WDR81: variants seen among roughly 807,000 people sequenced by gnomAD.
WDR81 encodes the protein WD repeat domain 81, also known as WD repeat-containing protein 81.
WDR81 carries 92 observed loss-of-function variants against 140.8 expected under a neutral mutation model. That is an observed-to-expected ratio of 0.65 (90% CI 0.55 to 0.78). The LOEUF (loss-of-function observed/expected upper bound fraction) is 0.78, where lower values mean the gene tolerates loss of function less well. WDR81 is among the 30% of genes least tolerant of loss of function. The probability of loss-of-function intolerance (pLI) is 0.00; values close to 1 mark genes in which losing one functional copy is unlikely to be tolerated. For synonymous variants in WDR81, 1,183 were observed against 1,156.4 expected, an observed-to-expected ratio of 1.02 and a Z score of -0.47; for missense variants, 2,502 against 2,636.4, an observed-to-expected ratio of 0.95 and a Z score of 1.12.
In WDR81 at chr17:1,730,748, G is replaced by C; in HGVS notation, c.3776-7G>C. 1.2e-6 allele frequency: 2 copies of C among 1,603,318 alleles called. No individual in the cohort carries two copies. Among genetic ancestry groups the C allele is most frequent in the Non-Finnish European group, 1.7e-6 (2 of 1,174,370 alleles). ...GCGACTCAGGGCTGCTGGCCCTTCC[G>C]TGGCAGGACCCACTCGGCAGCAGTT... On this transcript the variant is annotated splice_polypyrimidine_tract_variant and splice_region_variant and intron_variant, in intron 2 of 9. Transcript: ENST00000409644.
rs777075079 is a variant in WDR81, at chr17:1,728,086, T to C, written c.3127T>C (p.Ser1043Pro). ...CGGGCTGCCCGGGGCCGGGCCTGGCTCCTGTGCTTTTGGGGAGGAGATTCC... is the reference window on the plus strand; with the variant it reads ...CGGGCTGCCCGGGGCCGGGCCTGGCCCCTGTGCTTTTGGGGAGGAGATTCC... ...ESGLPGAGPG[S>P]CAFGEEIPMD... Residue 1043 changes from serine to proline, a missense_variant, in exon 1 of 10, where the codon TCC (serine) becomes CCC (proline). Around this residue, in one of 3 missense-constraint regions of WDR81, gnomAD observed 1,737 missense variants for 1,843.0 expected, o/e 0.94. Transcript: ENST00000409644. 1 of 1,597,392 alleles carries C rather than the reference T, an allele frequency of 6.3e-7. No homozygotes were observed. The highest frequency in any genetic ancestry group is 1.3e-5 in the African/African-American group (1 of 74,638).
At chr17:1,729,486 G>GA (rs149195078) in intron 1 of WDR81, among the ~76,000 whole-genome samples, 4,881 of 147,330 alleles carry the variant, frequency 0.033, 247 homozygotes, top group African/African-American at 0.11. Flanking sequence ...TCTCAAAAAA[G>GA]AAAAAAAAAA....
rs577314126 is a variant in WDR81, at chr17:1,729,895, A to G, written c.3668-485A>G. 3.9e-5 allele frequency among the ~76,000 whole-genome samples: 6 copies of G among 152,046 alleles called. No homozygotes were observed. In the East Asian group the frequency reaches 7.8e-4, roughly 20 times the overall value. ...GAGAATCGCTTGAACCCGGAGGTTC[A>G]AGGAGGAGAGTCAGGGCGGTGGAAG... On this transcript the variant is annotated intron_variant, in intron 1 of 9. Transcript: ENST00000409644.
Position 1,738,027 on chromosome 17 carries a change from G to C in WDR81, c.*342G>C, listed in dbSNP as rs968816465. ...GGACAGGGAAGCTCGGGAAGGGGAA[G>C]GGAGACTGGCCCTGCCCAGCCGGTC... is the stretch of plus-strand genomic sequence containing the variant. On this transcript the variant is annotated 3_prime_UTR_variant, in exon 10 of 10. Coordinates refer to ENST00000409644, the MANE Select transcript of WDR81 (RefSeq NM_001163809.2). 17 of 387,534 alleles carry C rather than the reference G, an allele frequency of 4.4e-5. No individual in the cohort carries two copies. In the Admixed American group the frequency reaches 4.8e-4, roughly 11 times the overall value. 24.0% of individuals were successfully genotyped at this position (387,534 alleles called of 1,614,324 possible).
upstream of WDR81, among the ~76,000 whole-genome samples, chr17:1,719,765 G>C (rs1914768402): frequency 6.6e-6 from 1 of 152,006 alleles, no homozygotes; most frequent in South Asian, 2.1e-4. Flanking sequence ...CACTTTGGGA[G>C]GCTGAGGCAG....
Position 1,725,442 on chromosome 17 carries a change from G to A in WDR81, c.483G>A (p.Pro161=), listed in dbSNP as rs1478627160. 1.9e-6 allele frequency: 3 copies of A among 1,549,140 alleles called. No individual in the cohort carries two copies. The highest frequency in any genetic ancestry group is 2.4e-5 in the East Asian group (1 of 40,936). The part of the protein sequence containing the change: ...WRHAYHTYGQ[P]YSHSPAPSAV... ...ATGCATACCACACTTACGGCCAGCC[G>A]TACAGTCACAGCCCTGCCCCCTCAG... The change falls in exon 1 of 10, where the codon CCG becomes CCA. Residue 161 remains proline, a synonymous_variant. Transcript: ENST00000409644.
In WDR81 at chr17:1,724,714, T is replaced by C. The variant is rs1192638704; in HGVS notation, c.-246T>C. ...CACGTGACCCGCGTCAGCTGACCCG[T>C]CACGGTGGAGCCCGGTGCTCGCGCC... On this transcript the variant is annotated 5_prime_UTR_variant, in exon 1 of 10. Coordinates refer to ENST00000409644, the MANE Select transcript of WDR81 (RefSeq NM_001163809.2). 17 of 1,091,488 alleles carry C rather than the reference T, an allele frequency of 1.6e-5. No homozygotes were observed. The highest frequency in any genetic ancestry group is 1.9e-5 in the Non-Finnish European group (17 of 899,746). 67.6% of individuals were successfully genotyped at this position (1,091,488 alleles called of 1,614,324 possible).
chr17:1,719,570 A>G (rs1914757466), intron 1 of WDR81, among the ~76,000 whole-genome samples: 1 of 149,684 alleles, frequency 6.7e-6, no homozygotes, highest in Admixed American at 6.7e-5. Flanking sequence ...AAAAAAAAAA[A>G]ATTAAAAATG....
chr17:1,735,804 G>T lies in WDR81; in HGVS notation c.5325+87G>T. ...AGACTCCCCAAAAACAGAAAGCCAG[G>T]ATGTTGTTCTGGGGCCCTAGTTAGT... On this transcript the variant is annotated intron_variant, in intron 8 of 9. Transcript: ENST00000409644. This position sits in a 1 kb window ranked among gnomAD's most constrained non-coding sequence, Gnocchi z 4.2. 2.0e-6 allele frequency: 3 copies of T among 1,508,920 alleles called. No homozygotes were observed. Among genetic ancestry groups the T allele is most frequent in the Non-Finnish European group, 2.7e-6 (3 of 1,123,884 alleles). The allele number at this position is 1,508,920 out of a possible 1,614,324, so 93.5% of individuals were successfully genotyped here.
At position 1,727,557 on chromosome 17, in the gene WDR81, C is replaced by T. The variant is rs1915371114; in HGVS notation, c.2598C>T (p.Pro866=). 2.6e-6 allele frequency: 4 copies of T among 1,550,384 alleles called. No individual in the cohort carries two copies. The highest frequency in any genetic ancestry group is 3.5e-6 in the Non-Finnish European group (4 of 1,147,038). ...PPPCPSQLLS[P]FSSVVPFPPY... ...CCTGCCCAAGCCAGCTTCTCAGCCCCTTCAGCTCCGTGGTTCCCTTCCCAC... is the reference window on the plus strand; with the variant it reads ...CCTGCCCAAGCCAGCTTCTCAGCCCTTTCAGCTCCGTGGTTCCCTTCCCAC... Residue 866 remains proline (P), a synonymous_variant, in exon 1 of 10, where the codon CCC becomes CCT. Transcript: ENST00000409644.
At position 1,733,628 on chromosome 17, in the gene WDR81, G is replaced by C. The variant is rs147625451; in HGVS notation, c.4591G>C (p.Val1531Leu). The change falls in exon 7 of 10, where the codon GTG becomes CTG. Residue 1531 changes from valine (V) to leucine (L), a missense_variant. Physicochemically the swap from Val to Leu is conservative, Grantham distance 32. Transcript: ENST00000409644. ...ISPSSRNPAS[V>L]EPTMPGTGPE... ...CCCCAGCAGTCGCAACCCTGCCAGC[G>C]TGGAGCCCACCATGCCCGGCACCGG... is the stretch of plus-strand genomic sequence containing the variant. 2 of 1,598,232 alleles carry C rather than the reference G, an allele frequency of 1.3e-6. No homozygotes were observed. The highest frequency in any genetic ancestry group is 1.7e-6 in the Non-Finnish European group (2 of 1,171,472).
chr17:1,721,866 G>A (rs1914883335), upstream of WDR81, among the ~76,000 whole-genome samples: 1 of 151,136 alleles, frequency 6.6e-6, no homozygotes, highest in African/African-American at 2.4e-5. Context: ...GCTCACACCT[G>A]TAATCCCAGC....
Position 1,735,298 on chromosome 17 carries a change from G to A in WDR81, c.5180-274G>A, listed in dbSNP as rs1597304641. 6.6e-6 allele frequency among the ~76,000 whole-genome samples: 1 copy of A among 152,134 alleles called. No individual in the cohort carries two copies. The highest frequency in any genetic ancestry group is 1.5e-5 in the Non-Finnish European group (1 of 68,014). The stretch of plus-strand genomic sequence containing the variant: ...CAAAAAATTAGCCAGGCGTGGTGGC[G>A]GACGCCTGTAGTCCCAGCTATTCGG... On this transcript the variant is annotated intron_variant, in intron 7 of 9. Transcript: ENST00000409644. The surrounding 1 kb of genome is among the most constrained non-coding windows in gnomAD (Gnocchi z 4.2).
rs140087592 is a variant in WDR81 at position 1,717,706 on chromosome 17, G to C, written c.-124+1073G>C. Among the ~76,000 whole-genome samples the C allele has an allele frequency of 5.6e-4, 85 of 152,330 alleles. 2 individuals are homozygous for C. The highest frequency in any genetic ancestry group is 1.5e-3 in the African/African-American group (62 of 41,574). On this transcript the variant is annotated intron_variant, in intron 1 of 10. Coordinates refer to the WDR81 transcript ENST00000309182. The stretch of plus-strand genomic sequence containing the variant: ...CCATGGGTGGTGAAGGAAAGAACGT[G>C]GGGGATGTGATTGTATGATCTTTCT...
Position 1,736,070 on chromosome 17 carries a change from C to G in WDR81, c.5357C>G (p.Pro1786Arg). 1 of 1,600,894 alleles carries G rather than the reference C, an allele frequency of 6.2e-7. No homozygotes were observed. Among genetic ancestry groups the G allele is most frequent in the Non-Finnish European group, 8.5e-7 (1 of 1,179,734 alleles). The change falls in exon 9 of 10, where the codon CCT becomes CGT. Residue 1786 changes from proline to arginine, a missense_variant. Pro to Arg is a moderately radical substitution (Grantham distance 103). This residue lies in a region of WDR81 where 1,737 missense variants were observed against 1,843.0 expected (regional missense o/e 0.94). Transcript: ENST00000409644. ...TTCCGACTGGGCGGTGGGCTGAACC[C>G]TGGGCTTGTCCGTGCCCTGGCCATC... Reference protein sequence around the residue: ...HEFRLGGGLNPGLVRALAISP... With the variant: ...HEFRLGGGLNRGLVRALAISP...
rs1222957113 is a variant in WDR81, at chr17:1,732,834, A to C, written c.4489+3A>C. ...CGTGCCCTTCTCCTGCCTGTTGGGT[A>C]CTGCCCCATCACGTTCCCCATCACA... On this transcript the variant is annotated splice_donor_region_variant and intron_variant, in intron 6 of 9. Coordinates refer to ENST00000409644, the MANE Select transcript of WDR81 (RefSeq NM_001163809.2). 6.3e-7 allele frequency: 1 copy of C among 1,598,152 alleles called. No homozygotes were observed. Among genetic ancestry groups the C allele is most frequent in the Non-Finnish European group, 8.5e-7 (1 of 1,170,412 alleles).
At chr17:1,723,410 T>C (rs1018918284), upstream of WDR81, among the ~76,000 whole-genome samples, 4 of 148,980 alleles carry the variant, frequency 2.7e-5, no homozygotes, top group East Asian at 1.9e-4. Context: ...TTTTATTTTA[T>C]TTATTTATTT....
rs1437244365 is a variant in WDR81, at chr17:1,726,595, G to A, written c.1636G>A (p.Asp546Asn). Residue 546 changes from aspartate (D) to asparagine (N), a missense_variant, in exon 1 of 10, where the codon GAC becomes AAC. Coordinates refer to ENST00000409644, the MANE Select transcript of WDR81 (RefSeq NM_001163809.2). Reference sequence around the variant, plus strand: ...ATCCCGGGACCTGCACCATTGGATCGACCTCACGTTTGGCTATAAACTCCA... The same window carrying A: ...ATCCCGGGACCTGCACCATTGGATCAACCTCACGTTTGGCTATAAACTCCA... ...EVSRDLHHWI[D>N]LTFGYKLQGK... 2.6e-6 allele frequency: 4 copies of A among 1,550,142 alleles called. No homozygotes were observed. Among genetic ancestry groups the A allele is most frequent in the African/African-American group, 1.4e-5 (1 of 73,000 alleles).
chr17:1,723,633 C>G (rs1302802468), upstream of WDR81, among the ~76,000 whole-genome samples: 1 of 151,800 alleles, frequency 6.6e-6, no homozygotes, highest in Non-Finnish European at 1.5e-5. Context: ...CTACAGGCGC[C>G]CCCCACCACG....
Sources: gnomAD v4.1 joint callset for allele counts (sites outside exome capture counted in the v4.1 genomes callset) on GRCh38, gnomAD v4.1.1 for gene constraint, gnomAD v4.1.1 regional missense constraint, Gnocchi (gnomAD v3.1) non-coding constraint, MANE v1.5 for transcripts, NCBI Gene and HGNC (gene_info 2026-07-23, HGNC 2026-07-21) for gene names.